RASIP1: variants seen among roughly 807,000 people sequenced by gnomAD.
The protein encoded by RASIP1 is Ras interacting protein 1.
RASIP1 carries 20 observed loss-of-function variants against 85.3 expected under a neutral mutation model. The observed-to-expected ratio is 0.23, with a 90% CI of 0.17 to 0.34. The LOEUF (loss-of-function observed/expected upper bound fraction) is 0.34. RASIP1 is among the 10% of genes least tolerant of loss of function. The probability of loss-of-function intolerance (pLI) is 1.00; values close to 1 mark genes in which losing one functional copy is unlikely to be tolerated. For missense variants in RASIP1, 1,170 were observed against 1,390.9 expected, an observed-to-expected ratio of 0.84 and a Z score of 2.53; for synonymous variants, 617 against 647.1, an observed-to-expected ratio of 0.95 and a Z score of 0.71.
intron 4 of RASIP1, among the ~76,000 whole-genome samples, chr19:48,730,854 T>G (rs141958488): frequency 3.3e-5 from 5 of 152,160 alleles, no homozygotes; most frequent in African/African-American, 9.6e-5. Flanking sequence ...CTGTCTCTAC[T>G]AAAAATACAA....
In RASIP1 at chr19:48,739,933, G is replaced by C. The variant is rs1026561870; in HGVS notation, c.137+213C>G. 5.3e-5 allele frequency among the ~76,000 whole-genome samples: 8 copies of C among 152,126 alleles called. No homozygotes were observed. Among genetic ancestry groups the C allele is most frequent in the Non-Finnish European group, 1.0e-4 (7 of 68,014 alleles). ...CCCTGCTCCTTCTGTCCCCGTCCCC[G>C]TGCCCATCCGGCCTCACTCCACCTC... is the stretch of plus-strand genomic sequence containing the variant. On this transcript the variant is annotated intron_variant, in intron 2 of 11. Transcript: ENST00000222145. The surrounding 1 kb of genome is among the most constrained non-coding windows in gnomAD (Gnocchi z 9.2).
chr19:48,739,069 C>T lies in RASIP1; in HGVS notation c.714G>A (p.Val238=). Residue 238 remains valine (V), a synonymous_variant, in exon 3 of 12, where the codon GTG becomes GTA. Transcript: ENST00000222145. The surrounding 1 kb of genome is among the most constrained non-coding windows in gnomAD (Gnocchi z 9.2). ...VLGDSERPLL[V]QELWRARPGW... is the part of the protein sequence containing the mutation. The stretch of plus-strand genomic sequence containing the variant: ...CGGGCCGCGCCCGCCACAGCTCCTG[C>T]ACCAGCAGCGGGCGCTCGGAGTCGC... The T allele has an allele frequency of 7.7e-7, 1 of 1,291,278 alleles. No individual in the cohort carries two copies. The highest frequency in any genetic ancestry group is 9.8e-7 in the Non-Finnish European group (1 of 1,023,704). 80.0% of individuals were successfully genotyped at this position (1,291,278 alleles called of 1,614,324 possible). A position where few individuals can be genotyped will look rare whatever the true frequency, so the allele number is the denominator to read the frequency against.
chr19:48,736,761 G>GC (rs2033580701), intron 3 of RASIP1, among the ~76,000 whole-genome samples: 1 of 152,194 alleles, frequency 6.6e-6, no homozygotes, highest in Non-Finnish European at 1.5e-5. Flanking sequence ...CAGGCTGGGC[G>GC]CGGTGGCTCA....
At chr19:48,726,938 G>A (rs1178649173) in intron 7 of RASIP1, 50 bp from the exon 8 acceptor site, 3 of 1,609,124 alleles carry the variant, frequency 1.9e-6, no homozygotes, top group African/African-American at 1.3e-5. Flanking sequence ...CGGCAGCCAG[G>A]AGCCCAGGTC....
intron 4 of RASIP1, among the ~76,000 whole-genome samples, chr19:48,731,078 C>A (rs535405661): frequency 6.6e-6 from 1 of 152,184 alleles, no homozygotes; most frequent in African/African-American, 2.4e-5. Context: ...AGTTCGAGAC[C>A]AGCCTGACCA....
intron 10 of RASIP1, among the ~76,000 whole-genome samples, chr19:48,722,826 T>C (rs558358311): frequency 1.3e-5 from 2 of 152,224 alleles, no homozygotes; most frequent in South Asian, 4.1e-4. Flanking sequence ...GAGGATGCAA[T>C]ATGGCAAAAT....
intron 3 of RASIP1, chr19:48,737,733 G>T: frequency 1.0e-6 from 1 of 985,050 alleles, no homozygotes; most frequent in Non-Finnish European, 1.2e-6. Context: ...AGAGACCCAT[G>T]CTCACCACAT....
rs559729754 is a variant in RASIP1, at chr19:48,724,254, G to A, written c.2544+83C>T. The stretch of plus-strand genomic sequence containing the variant: ...TGGCATGGGGTTCAAGGGGAGCTCT[G>A]ACGGTGAGCTGAATATAGAAGGTGG... On this transcript the variant is annotated intron_variant, in intron 10 of 11. Coordinates refer to ENST00000222145, the MANE Select transcript of RASIP1 (RefSeq NM_017805.3). The surrounding 1 kb of genome is among the most constrained non-coding windows in gnomAD (Gnocchi z 4.6). 3.6e-3 allele frequency: 5,247 copies of A among 1,446,040 alleles called. 10 individuals are homozygous for A. The highest frequency in any genetic ancestry group is 4.5e-3 in the Non-Finnish European group (4,771 of 1,059,396). 89.6% of individuals were successfully genotyped at this position (1,446,040 alleles called of 1,614,324 possible). A position where few individuals can be genotyped will look rare whatever the true frequency, so the allele number is the denominator to read the frequency against.
intron 8 of RASIP1, 150 bp downstream of exon 8, chr19:48,726,635 A>G: frequency 1.5e-6 from 1 of 655,976 alleles, no homozygotes; most frequent in Admixed American, 3.4e-5. Context: ...GTCATGTCAG[A>G]GAAAAGCAGA....
chr19:48,725,014 T>TCC, intron 8 of RASIP1, 54 bp from the exon 9 acceptor site: 2 of 1,585,714 alleles, frequency 1.3e-6, no homozygotes, highest in Non-Finnish European at 1.7e-6. Context: ...CCCAGGAAGC[T>TCC]TCAGGGTAAT....
chr19:48,724,893 C>T lies in RASIP1; in HGVS notation c.2195G>A (p.Gly732Glu). The T allele has an allele frequency of 3.1e-6, 5 of 1,614,234 alleles. No individual in the cohort carries two copies. The South Asian group carries it at 3.3e-5, about 11-fold the overall frequency. ...CATGGCCCCCAGCTCCGCGCCAGGC[C>T]CCGGCAGCTCTGCACCAGCTGTGAA... ...NPFTAGAELP[G>E]PGAELGAMPP... Residue 732 changes from glycine (G) to glutamate (E), a missense_variant, in exon 9 of 12, where the codon GGG becomes GAG. This residue lies in a region of RASIP1 where 426 missense variants were observed against 576.2 expected (regional missense o/e 0.74). Coordinates refer to ENST00000222145, the MANE Select transcript of RASIP1 (RefSeq NM_017805.3). This position sits in a 1 kb window ranked among gnomAD's most constrained non-coding sequence, Gnocchi z 4.6.
Position 48,739,716 on chromosome 19 carries a change from C to T in RASIP1, c.138-71G>A, listed in dbSNP as rs532954907. The T allele has an allele frequency of 2.7e-5, 29 of 1,071,118 alleles. No individual in the cohort carries two copies. In the East Asian group the frequency reaches 2.9e-3, roughly 106 times the overall value. 66.4% of individuals were successfully genotyped at this position (1,071,118 alleles called of 1,614,324 possible). ...CGACACGCCAAGACGGGGGTGGGGGCATATTAGGAGGGAAGTGGGCAGAGA... is the reference window on the plus strand; with the variant it reads ...CGACACGCCAAGACGGGGGTGGGGGTATATTAGGAGGGAAGTGGGCAGAGA... On this transcript the variant is annotated intron_variant, in intron 2 of 11. Coordinates refer to ENST00000222145, the MANE Select transcript of RASIP1 (RefSeq NM_017805.3). The surrounding 1 kb of genome is among the most constrained non-coding windows in gnomAD (Gnocchi z 9.2).
intron 11 of RASIP1, 125 bp from the exon 12 acceptor site, chr19:48,721,122 GC>G (rs1336517650): frequency 1.2e-6 from 1 of 838,230 alleles, no homozygotes; most frequent in Non-Finnish European, 1.8e-6. Context: ...AACTCCTGGG[GC>G]GGGGTCCGTT....
rs759154604 is a variant in RASIP1 at position 48,726,830 on chromosome 19, C to T, written c.2082G>A (p.Glu694=). The change falls in exon 8 of 12, where the codon GAG becomes GAA. Residue 694 remains glutamate, a synonymous_variant. Coordinates refer to ENST00000222145, the MANE Select transcript of RASIP1 (RefSeq NM_017805.3). ...LCDEAMALLD[E]VIMCTFQQSV... is the part of the protein sequence containing the mutation. ...ACTGCTGGAAGGTACACATGATGACCTCATCCAGGAGGGCCATGGCCTCAT... is the reference window on the plus strand; with the variant it reads ...ACTGCTGGAAGGTACACATGATGACTTCATCCAGGAGGGCCATGGCCTCAT... The T allele has an allele frequency of 1.2e-5, 19 of 1,613,906 alleles. No homozygotes were observed. The East Asian group carries it at 2.9e-4, about 25-fold the overall frequency.
chr19:48,735,157 T>A (rs761452272), intron 4 of RASIP1, 39 bp downstream of exon 4: 3 of 1,543,584 alleles, frequency 1.9e-6, no homozygotes, highest in Non-Finnish European at 2.6e-6. Flanking sequence ...ACAGATGGGG[T>A]ATAGGGCTCT....
intron 8 of RASIP1, among the ~76,000 whole-genome samples, chr19:48,725,926 G>A (rs1157278768): frequency 1.3e-5 from 2 of 151,624 alleles, no homozygotes; most frequent in Non-Finnish European, 2.9e-5. Context: ...TTTTTATTTC[G>A]TTTAATTTTA....
rs2033397911 is a variant in RASIP1, at chr19:48,729,112, T to G, written c.1658A>C (p.Glu553Ala). 1.5e-6 allele frequency: 2 copies of G among 1,369,446 alleles called. No individual in the cohort carries two copies. The highest frequency in any genetic ancestry group is 1.9e-6 in the Non-Finnish European group (2 of 1,066,904). 84.8% of individuals were successfully genotyped at this position (1,369,446 alleles called of 1,614,324 possible). A position where few individuals can be genotyped will look rare whatever the true frequency, so the allele number is the denominator to read the frequency against. Reference protein sequence around the residue: ...PVLRFRPREEEALLGEIVRAA... With the variant: ...PVLRFRPREEAALLGEIVRAA... ...GCGCACGATCTCGCCCAGCAGCGCC[T>G]CCTCCTCGCGCGGCCGGAAGCGCAG... Residue 553 changes from glutamate (E) to alanine (A), a missense_variant, in exon 5 of 12, where the codon GAG (glutamate) becomes GCG (alanine). By Grantham distance (107) the Glu-to-Ala change is moderately radical. Coordinates refer to ENST00000222145, the MANE Select transcript of RASIP1 (RefSeq NM_017805.3).
At chr19:48,732,754 C>T (rs1045415986) in intron 4 of RASIP1, among the ~76,000 whole-genome samples, 2 of 152,126 alleles carry the variant, frequency 1.3e-5, no homozygotes, top group African/African-American at 2.4e-5. Flanking sequence ...TCCTTGCCCC[C>T]ACAAGGAGGA....
rs2033307151 is a variant in RASIP1, at chr19:48,724,481, G to T, written c.2400C>A (p.Ser800=). 1 of 1,614,088 alleles carries T rather than the reference G, an allele frequency of 6.2e-7. No individual in the cohort carries two copies. The highest frequency in any genetic ancestry group is 1.1e-5 in the South Asian group (1 of 91,070). ...RGQGRPFYQW[S]RAVQIRTNLD... ...GGTTGGTTCGGATTTGAACAGCTCG[G>T]GACCATTGATAGAAAGGCCGGCCTT... Residue 800 remains serine, a synonymous_variant, in exon 10 of 12, where the codon TCC becomes TCA. Transcript: ENST00000222145. The surrounding 1 kb of genome is among the most constrained non-coding windows in gnomAD (Gnocchi z 4.6).
Sources: gnomAD v4.1 joint callset for allele counts (sites outside exome capture counted in the v4.1 genomes callset) on GRCh38, gnomAD v4.1.1 for gene constraint, gnomAD v4.1.1 regional missense constraint, Gnocchi (gnomAD v3.1) non-coding constraint, MANE v1.5 for transcripts, NCBI Gene and HGNC (gene_info 2026-07-23, HGNC 2026-07-21) for gene names.